The following ADGRL3 variants were observed in gnomAD, a reference collection of about 807,000 sequenced individuals.
The protein encoded by ADGRL3 is adhesion G protein-coupled receptor L3.
Under a neutral mutation model 153.5 loss-of-function variants are expected in ADGRL3, and 62 were observed. The ratio of observed to expected loss-of-function variants is 0.40; its 90% CI spans 0.33 to 0.50. The LOEUF (loss-of-function observed/expected upper bound fraction) is 0.50. ADGRL3 is among the 20% of genes least tolerant of loss of function. The pLI, the probability that ADGRL3 is intolerant of heterozygous loss-of-function variation, is 0.47. For missense variants in ADGRL3, 1,641 were observed against 1,859.4 expected, an observed-to-expected ratio of 0.88 and a Z score of 2.16; for synonymous variants, 710 against 672.5, an observed-to-expected ratio of 1.06 and a Z score of -0.86.
At chr4:62,036,739 A>T (rs1423045459) in intron 23 of ADGRL3, among the ~76,000 whole-genome samples, 1 of 152,128 alleles carries the variant, frequency 6.6e-6, no homozygotes, top group African/African-American at 2.4e-5. Flanking sequence ...AATCAAATAC[A>T]TAAAGGCTTA....
chr4:61,260,192 T>G (rs1307693722), intron 1 of ADGRL3, among the ~76,000 whole-genome samples: 1 of 152,240 alleles, frequency 6.6e-6, no homozygotes, highest in Non-Finnish European at 1.5e-5. Flanking sequence ...GAAGGGTATT[T>G]GAAACCTAAC....
rs139150197 is a variant in ADGRL3, at chr4:61,867,589, G to C, written c.1481-25067G>C. Among the ~76,000 whole-genome samples the C allele has an allele frequency of 5.0e-3, 703 of 141,392 alleles. 4 individuals are homozygous for C. Among genetic ancestry groups the C allele is most frequent in the African/African-American group, 0.017 (649 of 39,040 alleles). The allele number at this position is 141,392 out of a possible 152,430, so 92.8% of individuals were successfully genotyped here. On this transcript the variant is annotated intron_variant, in intron 9 of 26. Coordinates refer to ENST00000683033, the MANE Select transcript of ADGRL3 (RefSeq NM_001387552.1). ...TACCCATCTTAAGATTTATGACTGAGATCCCTATAACAAAAGACAAATTAA... is the reference window on the plus strand; with the variant it reads ...TACCCATCTTAAGATTTATGACTGACATCCCTATAACAAAAGACAAATTAA...
chr4:61,643,030 A>C (rs1263349502), intron 5 of ADGRL3, among the ~76,000 whole-genome samples: 2 of 152,022 alleles, frequency 1.3e-5, no homozygotes, highest in Non-Finnish European at 2.9e-5. Flanking sequence ...ATTCCTAGGT[A>C]TTTTATTCTC....
intron 1 of ADGRL3, among the ~76,000 whole-genome samples, chr4:61,229,913 T>A (rs755532576): frequency 5.1e-4 from 77 of 151,530 alleles, no homozygotes; most frequent in Non-Finnish European, 2.2e-4. Flanking sequence ...AATATATATA[T>A]ATATACACAC....
At chr4:61,268,131 T>C (rs973454366) in intron 1 of ADGRL3, among the ~76,000 whole-genome samples, 2 of 151,642 alleles carry the variant, frequency 1.3e-5, no homozygotes, top group African/African-American at 4.8e-5. Context: ...TTTATTTTCC[T>C]TTTAATATGC....
chr4:61,808,846 G>A (rs2097578556), intron 8 of ADGRL3, among the ~76,000 whole-genome samples: 1 of 147,400 alleles, frequency 6.8e-6, no homozygotes, highest in Non-Finnish European at 1.5e-5. Flanking sequence ...TAAAAACTTA[G>A]AAAAATTCCA....
intron 5 of ADGRL3, among the ~76,000 whole-genome samples, chr4:61,642,053 T>C (rs1322027250): frequency 1.3e-5 from 2 of 150,376 alleles, no homozygotes; most frequent in Non-Finnish European, 3.0e-5. Flanking sequence ...ATGAGCATTT[T>C]TTCATGTGTT....
chr4:61,583,786 C>T, intron 4 of ADGRL3: 1 of 516,050 alleles, frequency 1.9e-6, no homozygotes, highest in Non-Finnish European at 3.9e-6. Context: ...ATCTATTACA[C>T]ACCTAATAGA....
chr4:61,596,168 G>A (rs1053266763), intron 5 of ADGRL3, among the ~76,000 whole-genome samples: 1 of 152,134 alleles, frequency 6.6e-6, no homozygotes, highest in Non-Finnish European at 1.5e-5. Context: ...GCTTTTCTAT[G>A]TGCAGACAGT....
At chr4:61,777,130 C>G (rs946742462) in intron 8 of ADGRL3, among the ~76,000 whole-genome samples, 1 of 152,006 alleles carries the variant, frequency 6.6e-6, no homozygotes, top group East Asian at 1.9e-4. Context: ...GTGAGGAGAT[C>G]GAGACCATCC....
chr4:61,745,389 C>A (rs1212049593), intron 8 of ADGRL3, among the ~76,000 whole-genome samples: 1 of 151,944 alleles, frequency 6.6e-6, no homozygotes, highest in Non-Finnish European at 1.5e-5. Context: ...AGAAGAGCAA[C>A]TCCAAGACAC....
Position 61,450,104 on chromosome 4 carries a change from C to T in ADGRL3, c.-173-47017C>T, listed in dbSNP as rs148779460. 4.0e-3 allele frequency among the ~76,000 whole-genome samples: 611 copies of T among 152,216 alleles called. 1 individual carries two copies. The highest frequency in any genetic ancestry group is 6.0e-3 in the Non-Finnish European group (411 of 68,006). ...ATTTGTCTGCAGGCTTGCTCAGGGA[C>T]GGTGTGGTATACAGTCACTCAACCA... On this transcript the variant is annotated intron_variant, in intron 2 of 26. Coordinates refer to ENST00000683033, the MANE Select transcript of ADGRL3 (RefSeq NM_001387552.1).
intron 5 of ADGRL3, among the ~76,000 whole-genome samples, chr4:61,671,975 T>A (rs1049857141): frequency 6.6e-6 from 1 of 152,082 alleles, no homozygotes; most frequent in Non-Finnish European, 1.5e-5. Flanking sequence ...GACAAATAGG[T>A]TTAAAAGTAT....
chr4:61,664,377 A>G (rs1383527785), intron 5 of ADGRL3, among the ~76,000 whole-genome samples: 2 of 152,238 alleles, frequency 1.3e-5, no homozygotes, highest in Non-Finnish European at 2.9e-5. Flanking sequence ...AAGAAATAAT[A>G]ACTTCAATTT....
chr4:61,868,878 G>C (rs538874211), intron 9 of ADGRL3, among the ~76,000 whole-genome samples: 12 of 152,154 alleles, frequency 7.9e-5, no homozygotes, highest in Admixed American at 3.3e-4. Flanking sequence ...GCTTTCCAGC[G>C]ATGCTATTAA....
chr4:61,788,395 C>T (rs533469970), intron 8 of ADGRL3, among the ~76,000 whole-genome samples: 13 of 152,082 alleles, frequency 8.5e-5, no homozygotes, highest in Admixed American at 2.6e-4. Context: ...AGCCCAGAAC[C>T]CCGTAGCTCT....
chr4:61,611,281 T>A (rs937899748), intron 5 of ADGRL3, among the ~76,000 whole-genome samples: 23 of 152,052 alleles, frequency 1.5e-4, no homozygotes, highest in Non-Finnish European at 2.9e-4. Flanking sequence ...CCTAGAAAGA[T>A]CACCATTGCT....
chr4:61,882,334 G>T (rs116686178), intron 9 of ADGRL3, among the ~76,000 whole-genome samples: 1 of 151,996 alleles, frequency 6.6e-6, no homozygotes, highest in Non-Finnish European at 1.5e-5. Context: ...AAAAGCCACC[G>T]CCACGTGTCT....
At chr4:61,985,912 A>AC (rs1445366253) in intron 19 of ADGRL3, among the ~76,000 whole-genome samples, 1 of 150,564 alleles carries the variant, frequency 6.6e-6, no homozygotes, top group Non-Finnish European at 1.5e-5. Context: ...ATTAGTAAAA[A>AC]AAAAAAACAA....
Sources: gnomAD v4.1 joint callset for allele counts (sites outside exome capture counted in the v4.1 genomes callset) on GRCh38, gnomAD v4.1.1 for gene constraint, MANE v1.5 for transcripts, NCBI Gene and HGNC (gene_info 2026-07-23, HGNC 2026-07-21) for gene names.